TPCN1: variants seen among roughly 807,000 people sequenced by gnomAD.
TPCN1 encodes two pore segment channel 1.
Under a neutral mutation model 108.8 loss-of-function variants are expected in TPCN1, and 52 were observed. The ratio of observed to expected loss-of-function variants is 0.48; its 90% CI spans 0.38 to 0.60. The LOEUF (loss-of-function observed/expected upper bound fraction) is 0.60, where lower values mean the gene tolerates loss of function less well. Ranked by LOEUF, TPCN1 falls within the 20% of genes least tolerant of loss-of-function variation. The pLI is 0.00. For missense variants in TPCN1, 806 were observed against 1,072.8 expected (o/e 0.75, Z 3.47); for synonymous variants, 446 against 433.7 (o/e 1.03, Z -0.35).
rs749283558 is a variant in TPCN1 at position 113,277,341 on chromosome 12, T to G, written c.1161T>G (p.Asn387Lys). 6.2e-6 allele frequency: 10 copies of G among 1,614,004 alleles called. No individual in the cohort carries two copies. The highest frequency in any genetic ancestry group is 6.8e-6 in the Non-Finnish European group (8 of 1,180,028). The part of the protein sequence containing the change: ...RERYLTFKAL[N>K]QNNTPLLSLK... ...GCTATCTTACCTTCAAGGCCCTGAA[T>G]CAGAACAACACACCCCTGCTCAGGT... Residue 387 changes from asparagine (N) to lysine (K), a missense_variant, in exon 12 of 28, where the codon AAT becomes AAG. Physicochemically the swap from Asn to Lys is moderately conservative, Grantham distance 94. Transcript: ENST00000335509.
At chr12:113,224,358 G>T (rs901647143) in intron 1 of TPCN1, among the ~76,000 whole-genome samples, 4 of 152,154 alleles carry the variant, frequency 2.6e-5, no homozygotes, top group African/African-American at 9.7e-5. Context: ...TGCTAGTAGG[G>T]TCCCTCATAC....
In TPCN1 at chr12:113,231,414, C is replaced by A. The variant is rs1045792270; in HGVS notation, c.112+4450C>A. The stretch of plus-strand genomic sequence containing the variant: ...TGTCTGTCCTCTTCAGATAAGGACA[C>A]CAGTCCTATTGGATTAGGGCTCATC... On this transcript the variant is annotated intron_variant, in intron 2 of 27. Coordinates refer to ENST00000335509, the MANE Select transcript of TPCN1 (RefSeq NM_017901.6). The surrounding 1 kb of genome is among the most constrained non-coding windows in gnomAD (Gnocchi z 4.3). Among the ~76,000 whole-genome samples, 1 of 152,228 alleles carries A rather than the reference C, an allele frequency of 6.6e-6. No homozygotes were observed. The highest frequency in any genetic ancestry group is 1.5e-5 in the Non-Finnish European group (1 of 68,038).
intron 14 of TPCN1, among the ~76,000 whole-genome samples, chr12:113,279,306 T>TTTTTA: frequency 7.0e-6 from 1 of 143,772 alleles, no homozygotes; most frequent in South Asian, 2.2e-4. Context: ...TGTGTGTGTG[T>TTTTTA]GTATATATAT....
intron 23 of TPCN1, 132 bp from the exon 24 acceptor site, chr12:113,291,477 T>G: frequency 2.6e-6 from 2 of 758,498 alleles, no homozygotes; most frequent in Non-Finnish European, 4.4e-6. Flanking sequence ...AAGCTTCCTC[T>G]CCTCCATCTC....
At chr12:113,265,489 G>A (rs1340509309) in intron 3 of TPCN1, among the ~76,000 whole-genome samples, 2 of 152,104 alleles carry the variant, frequency 1.3e-5, no homozygotes, top group Non-Finnish European at 2.9e-5. Flanking sequence ...TGGCCTCTGA[G>A]GGGATTGGAC....
chr12:113,240,129 A>G (rs1438194314), intron 2 of TPCN1, among the ~76,000 whole-genome samples: 3 of 152,162 alleles, frequency 2.0e-5, no homozygotes, highest in Non-Finnish European at 4.4e-5. Context: ...CCAGTCTGGT[A>G]GCTTCAACAG....
In TPCN1 at chr12:113,289,669, A is replaced by T. The variant is rs1566203946; in HGVS notation, c.1797-459A>T. On this transcript the variant is annotated intron_variant, in intron 21 of 27. Transcript: ENST00000335509. This position sits in a 1 kb window ranked among gnomAD's most constrained non-coding sequence, Gnocchi z 4.1. ...AAGATTGGAAGGAAAGTGGCAAATAAGAGCTCCTCAAAACAGGGCCAACCT... is the reference window on the plus strand; with the variant it reads ...AAGATTGGAAGGAAAGTGGCAAATATGAGCTCCTCAAAACAGGGCCAACCT... 6.6e-6 allele frequency among the ~76,000 whole-genome samples: 1 copy of T among 152,250 alleles called. No homozygotes were observed. The highest frequency in any genetic ancestry group is 1.5e-5 in the Non-Finnish European group (1 of 68,046).
rs1212086246 is a variant in TPCN1 at position 113,285,879 on chromosome 12, C to A, written c.1454-10C>A. 1.2e-6 allele frequency: 2 copies of A among 1,613,602 alleles called. No individual in the cohort carries two copies. Among genetic ancestry groups the A allele is most frequent in the Non-Finnish European group, 1.7e-6 (2 of 1,179,634 alleles). The stretch of plus-strand genomic sequence containing the variant: ...CGGGGCTGCTGCCGATGGATTCCTT[C>A]TGTCCACAGTCTATGGGGTGGAGCT... On this transcript the variant is annotated splice_polypyrimidine_tract_variant and intron_variant, in intron 17 of 27. Transcript: ENST00000335509.
chr12:113,285,157 T>A (rs1295526051), intron 17 of TPCN1, among the ~76,000 whole-genome samples: 4 of 152,356 alleles, frequency 2.6e-5, no homozygotes, highest in African/African-American at 9.6e-5. Flanking sequence ...TTCCTGCTCT[T>A]TCCATCAAGT....
chr12:113,242,828 G>A (rs1954203722), intron 2 of TPCN1, among the ~76,000 whole-genome samples: 1 of 152,088 alleles, frequency 6.6e-6, no homozygotes, highest in Non-Finnish European at 1.5e-5. Flanking sequence ...GCATTCCCCT[G>A]AGTTCCTCCC....
rs148138543 is a variant in TPCN1, at chr12:113,254,149, G to C, written c.113-6219G>C. Among the ~76,000 whole-genome samples the C allele has an allele frequency of 3.8e-3, 577 of 152,328 alleles. 6 individuals carry two copies. Among genetic ancestry groups the C allele is most frequent in the African/African-American group, 0.013 (538 of 41,564 alleles). ...CTTTCTCAATAAGAATAGAAAACCTGAGTGGCCCTATATGTACTGAAGAAG... is the reference window on the plus strand; with the variant it reads ...CTTTCTCAATAAGAATAGAAAACCTCAGTGGCCCTATATGTACTGAAGAAG... On this transcript the variant is annotated intron_variant, in intron 2 of 27. Transcript: ENST00000335509.
At chr12:113,291,460 G>A in intron 23 of TPCN1, 149 bp from the exon 24 acceptor site, 1 of 694,292 alleles carries the variant, frequency 1.4e-6, no homozygotes, top group Non-Finnish European at 2.5e-6. Flanking sequence ...GTTAGGCCCA[G>A]AGGGGCAAGC....
chr12:113,248,979 G>T (rs910856001), intron 2 of TPCN1, among the ~76,000 whole-genome samples: 20 of 152,154 alleles, frequency 1.3e-4, no homozygotes, highest in African/African-American at 4.6e-4. Context: ...GTGAGAGCGA[G>T]GTCTTGTGGG....
rs568121310 is a variant in TPCN1 at position 113,273,969 on chromosome 12, G to A, written c.942+301G>A. ...TTCATTCTTACATCAGAAATAAGCA[G>A]TTGACCCTCGGTGTCCACAGGGATT... is the stretch of plus-strand genomic sequence containing the variant. On this transcript the variant is annotated intron_variant, in intron 10 of 27. Coordinates refer to ENST00000335509, the MANE Select transcript of TPCN1 (RefSeq NM_017901.6). The surrounding 1 kb of genome is among the most constrained non-coding windows in gnomAD (Gnocchi z 4.0). Among the ~76,000 whole-genome samples the A allele has an allele frequency of 2.6e-4, 40 of 152,338 alleles. No individual in the cohort carries two copies. Among genetic ancestry groups the A allele is most frequent in the Non-Finnish European group, 4.7e-4 (32 of 68,032 alleles).
intron 27 of TPCN1, chr12:113,294,228 G>C (rs1354335125): frequency 6.6e-6 from 1 of 152,188 alleles, no homozygotes; most frequent in Non-Finnish European, 1.5e-5. Context: ...TGGAACTACA[G>C]GTGTGCACTG....
chr12:113,287,648 T>C (rs1249137130), intron 19 of TPCN1, among the ~76,000 whole-genome samples: 1 of 152,112 alleles, frequency 6.6e-6, no homozygotes, highest in African/African-American at 2.4e-5. Flanking sequence ...GTCCGCCCCA[T>C]CCTCTCCCAA....
chr12:113,256,745 GTT>G (rs199555339), intron 2 of TPCN1, among the ~76,000 whole-genome samples: 154 of 152,192 alleles, frequency 1.0e-3, no homozygotes, highest in African/African-American at 3.6e-3. Context: ...CGTTGCCCAG[GTT>G]AATCTTGAAC....
At chr12:113,228,282 C>T (rs569409572) in intron 2 of TPCN1, among the ~76,000 whole-genome samples, 20 of 152,274 alleles carry the variant, frequency 1.3e-4, no homozygotes, top group South Asian at 4.1e-4. Context: ...AGCTGCTCCT[C>T]CCTCTCCTTT....
chr12:113,264,276 G>T (rs1195292639), intron 3 of TPCN1, among the ~76,000 whole-genome samples: 1 of 152,152 alleles, frequency 6.6e-6, no homozygotes, highest in Non-Finnish European at 1.5e-5. Flanking sequence ...CTGGGTCTGT[G>T]GTTTGTCTCG....
Sources: gnomAD v4.1 joint callset for allele counts (sites outside exome capture counted in the v4.1 genomes callset) on GRCh38, gnomAD v4.1.1 for gene constraint, Gnocchi (gnomAD v3.1) non-coding constraint, MANE v1.5 for transcripts, NCBI Gene and HGNC (gene_info 2026-07-23, HGNC 2026-07-21) for gene names.